The following WWOX variants were observed in gnomAD, a reference collection of about 807,000 sequenced individuals.
WWOX encodes the protein WW domain containing oxidoreductase, also known as WW domain-containing oxidoreductase.
Under a neutral mutation model 46.2 loss-of-function variants are expected in WWOX, and 69 were observed. That is an observed-to-expected ratio of 1.49 (90% CI 1.23 to 1.82). The LOEUF (loss-of-function observed/expected upper bound fraction) is 1.82. Among genes scored for constraint, WWOX ranks in the 40% most tolerant of loss-of-function variants. The pLI is 0.00. For missense variants in WWOX, 919 were observed against 542.6 expected, an observed-to-expected ratio of 1.69 and a Z score of -6.89; for synonymous variants, 359 against 202.6, an observed-to-expected ratio of 1.77 and a Z score of -6.56.
chr16:78,244,202 C>T (rs550182723), intron 5 of WWOX, among the ~76,000 whole-genome samples: 7 of 152,230 alleles, frequency 4.6e-5, no homozygotes, highest in East Asian at 3.9e-4. Flanking sequence ...AGTCTCTTCC[C>T]GATGGGGGTT....
chr16:78,297,837 T>A (rs1432843947), intron 5 of WWOX, among the ~76,000 whole-genome samples: 1 of 152,092 alleles, frequency 6.6e-6, no homozygotes, highest in East Asian at 1.9e-4. Context: ...GTGCAGGAGT[T>A]CCAGGGAAGG....
At chr16:78,429,486 G>A (rs2083167271) in intron 7 of WWOX, among the ~76,000 whole-genome samples, 1 of 152,120 alleles carries the variant, frequency 6.6e-6, no homozygotes, top group South Asian at 2.1e-4. Context: ...CCTGAACTGG[G>A]TTGGGCTAAA....
At chr16:78,419,380 C>G (rs61668003) in intron 6 of WWOX, among the ~76,000 whole-genome samples, 1,708 of 151,984 alleles carry the variant, frequency 0.011, 23 homozygotes, top group African/African-American at 0.038. Flanking sequence ...TTCTCAATTT[C>G]AAAACTTTCT....
At chr16:78,888,056 C>T (rs1197469950) in intron 8 of WWOX, among the ~76,000 whole-genome samples, 2 of 152,202 alleles carry the variant, frequency 1.3e-5, no homozygotes, top group Non-Finnish European at 2.9e-5. Flanking sequence ...ATCCTTCAAG[C>T]TGTCAGCCAT....
intron 8 of WWOX, among the ~76,000 whole-genome samples, chr16:78,673,691 A>C (rs367810180): frequency 2.0e-5 from 3 of 152,230 alleles, no homozygotes; most frequent in East Asian, 1.9e-4. Flanking sequence ...CAAATTGCCA[A>C]ACAAGTCAAG....
chr16:78,510,268 C>T (rs761512921), intron 8 of WWOX, among the ~76,000 whole-genome samples: 7 of 151,786 alleles, frequency 4.6e-5, no homozygotes, highest in Non-Finnish European at 7.4e-5. Context: ...AGAGGTGGCG[C>T]GATCTCCACT....
chr16:78,397,285 A>G (rs1024135506), intron 6 of WWOX, among the ~76,000 whole-genome samples: 10 of 152,192 alleles, frequency 6.6e-5, no homozygotes, highest in South Asian at 2.1e-4. Flanking sequence ...GAACCATATA[A>G]TGATGATAAT....
chr16:78,760,111 T>A (rs910780233), intron 8 of WWOX, among the ~76,000 whole-genome samples: 8 of 152,162 alleles, frequency 5.3e-5, no homozygotes, highest in African/African-American at 1.7e-4. Flanking sequence ...GACTCACAGT[T>A]CCATGTGGCT....
At chr16:78,923,493 T>C (rs961516269) in intron 8 of WWOX, among the ~76,000 whole-genome samples, 2 of 152,126 alleles carry the variant, frequency 1.3e-5, no homozygotes, top group South Asian at 4.1e-4. Context: ...TTCTTGGGAT[T>C]GGGAGTCAGA....
rs192324599 is a variant in WWOX, at chr16:78,321,068, C to T, written c.517-65792C>T. Reference sequence around the variant, plus strand: ...ATGAGAATACTCATACTCAGTGCTGCTAAAAACAGCCTGCTGCCTGAACAC... The same window carrying T: ...ATGAGAATACTCATACTCAGTGCTGTTAAAAACAGCCTGCTGCCTGAACAC... On this transcript the variant is annotated intron_variant, in intron 5 of 8. Coordinates refer to ENST00000566780, the MANE Select transcript of WWOX (RefSeq NM_016373.4). Among the ~76,000 whole-genome samples the T allele has an allele frequency of 3.5e-3, 539 of 152,110 alleles. 1 individual carries two copies. The highest frequency in any genetic ancestry group is 5.8e-3 in the Non-Finnish European group (392 of 67,992).
intron 8 of WWOX, among the ~76,000 whole-genome samples, chr16:78,612,940 A>T (rs2045934345): frequency 1.3e-5 from 2 of 152,074 alleles, no homozygotes; most frequent in Admixed American, 1.3e-4. Context: ...TTTTTTCCAG[A>T]TGCTCTGGGG....
intron 8 of WWOX, among the ~76,000 whole-genome samples, chr16:79,022,604 G>A (rs998989468): frequency 3.9e-5 from 6 of 152,180 alleles, no homozygotes; most frequent in African/African-American, 1.4e-4. Context: ...CTTTTAGGAT[G>A]TCAGTCCCAG....
intron 5 of WWOX, among the ~76,000 whole-genome samples, chr16:78,220,245 A>T (rs1333585666): frequency 6.6e-6 from 1 of 152,166 alleles, no homozygotes; most frequent in Non-Finnish European, 1.5e-5. Context: ...TGAGTTTTAC[A>T]TGGTTTAAAG....
intron 5 of WWOX, among the ~76,000 whole-genome samples, chr16:78,254,524 G>C (rs909499135): frequency 4.5e-5 from 1 of 22,038 alleles, no homozygotes; most frequent in African/African-American, 3.8e-4. Context: ...TTTTTTGTTT[G>C]ACACAGGGCC....
chr16:78,842,402 C>G (rs963342631), intron 8 of WWOX, among the ~76,000 whole-genome samples: 3 of 151,454 alleles, frequency 2.0e-5, no homozygotes, highest in Non-Finnish European at 2.9e-5. Context: ...GCTCGGGAGG[C>G]CAAGATGGGA....
intron 8 of WWOX, among the ~76,000 whole-genome samples, chr16:78,831,898 G>C (rs530622451): frequency 6.6e-6 from 1 of 152,264 alleles, no homozygotes; most frequent in East Asian, 1.9e-4. Flanking sequence ...TGGTGATCTC[G>C]TCGTAATTTT....
intron 5 of WWOX, among the ~76,000 whole-genome samples, chr16:78,184,573 A>C (rs2035637315): frequency 9.0e-6 from 1 of 111,198 alleles, no homozygotes; most frequent in African/African-American, 2.6e-5. Flanking sequence ...CCCCGTTTAT[A>C]CTATAAACAT....
chr16:78,989,039 G>C (rs1229075074), intron 8 of WWOX, among the ~76,000 whole-genome samples: 1 of 152,144 alleles, frequency 6.6e-6, no homozygotes, highest in African/African-American at 2.4e-5. Flanking sequence ...TCCTGAGTTC[G>C]ATGATTCAGA....
At chr16:78,919,126 C>T (rs987986377) in intron 8 of WWOX, among the ~76,000 whole-genome samples, 3 of 152,166 alleles carry the variant, frequency 2.0e-5, no homozygotes, top group Non-Finnish European at 2.9e-5. Context: ...TACTAAACAA[C>T]ACACGGAACA....
Sources: allele counts gnomAD v4.1 joint callset (sites outside exome capture counted in the v4.1 genomes callset), GRCh38; gene constraint gnomAD v4.1.1; transcripts MANE v1.5; gene names NCBI Gene and HGNC (gene_info 2026-07-23, HGNC 2026-07-21).